AMBRA1: variants seen among roughly 807,000 people sequenced by gnomAD.
The protein encoded by AMBRA1 is autophagy and beclin 1 regulator 1.
In AMBRA1, 47 loss-of-function variants were observed where a neutral mutation model predicts 125.4. The ratio of observed to expected loss-of-function variants is 0.37; its 90% CI spans 0.30 to 0.48. The LOEUF (loss-of-function observed/expected upper bound fraction) is 0.48. AMBRA1 is among the 20% of genes least tolerant of loss of function. The probability of loss-of-function intolerance (pLI) is 0.99; values close to 1 mark genes in which losing one functional copy is unlikely to be tolerated. For synonymous variants in AMBRA1, 626 were observed against 655.5 expected, an observed-to-expected ratio of 0.95 and a Z score of 0.69; for missense variants, 1,331 against 1,693.4, an observed-to-expected ratio of 0.79 and a Z score of 3.76.
chr11:46,570,261 C>CAAAAAA (rs200875374), intron 1 of AMBRA1, among the ~76,000 whole-genome samples: 11 of 14,294 alleles, frequency 7.7e-4, no homozygotes, highest in African/African-American at 3.2e-3. Context: ...GACCATGTCT[C>CAAAAAA]AAAAAAAAAA....
intron 1 of AMBRA1, among the ~76,000 whole-genome samples, chr11:46,582,133 C>T (rs142929944): frequency 0.015 from 2,193 of 150,834 alleles, 47 homozygotes; most frequent in Non-Finnish European, 0.016. Context: ...AAAAAAAATT[C>T]GAAAGCCTTG....
At chr11:46,576,444 T>C (rs1243627188) in intron 1 of AMBRA1, among the ~76,000 whole-genome samples, 2 of 152,180 alleles carry the variant, frequency 1.3e-5, no homozygotes, top group East Asian at 3.9e-4. Context: ...ATTGCTTTGA[T>C]TAACCATCAA....
At chr11:46,549,334 A>G (rs2042919287) in intron 1 of AMBRA1, among the ~76,000 whole-genome samples, 1 of 152,218 alleles carries the variant, frequency 6.6e-6, no homozygotes, top group Non-Finnish European at 1.5e-5. Context: ...CTCCACTATG[A>G]ATGTTTTAAA....
intron 14 of AMBRA1, among the ~76,000 whole-genome samples, chr11:46,430,440 T>C (rs1947401801): frequency 6.6e-6 from 1 of 152,250 alleles, no homozygotes. Context: ...ACTCCCATTC[T>C]TATTCTGATT....
intron 11 of AMBRA1, among the ~76,000 whole-genome samples, chr11:46,445,081 A>AC: frequency 6.6e-6 from 1 of 152,002 alleles, no homozygotes; most frequent in East Asian, 1.9e-4. Flanking sequence ...CAAAAAAAAA[A>AC]AAACAAAAAA....
intron 7 of AMBRA1, among the ~76,000 whole-genome samples, chr11:46,522,171 T>C (rs930350074): frequency 4.6e-5 from 7 of 152,220 alleles, no homozygotes; most frequent in African/African-American, 1.7e-4. Context: ...CAGTTCCCCC[T>C]GGGAACATAT....
intron 1 of AMBRA1, among the ~76,000 whole-genome samples, chr11:46,557,545 C>T (rs2043195710): frequency 6.6e-6 from 1 of 151,362 alleles, no homozygotes; most frequent in African/African-American, 2.4e-5. Context: ...CAGTGGCTCA[C>T]ACCTGTAATC....
chr11:46,506,067 T>G (rs565337937), intron 9 of AMBRA1, among the ~76,000 whole-genome samples: 121 of 152,294 alleles, frequency 7.9e-4, no homozygotes, highest in Middle Eastern at 6.8e-3. Context: ...CTTCCCTGAA[T>G]AGACCCTGGT....
At chr11:46,492,780 T>C (rs1950508806) in intron 11 of AMBRA1, among the ~76,000 whole-genome samples, 1 of 152,232 alleles carries the variant, frequency 6.6e-6, no homozygotes, top group Admixed American at 6.5e-5. Flanking sequence ...CCAGGCACAG[T>C]GGCTCACGCC....
chr11:46,570,670 T>A (rs1040437318), intron 1 of AMBRA1, among the ~76,000 whole-genome samples: 2 of 152,128 alleles, frequency 1.3e-5, no homozygotes, highest in Admixed American at 6.6e-5. Context: ...TATTTTTTTT[T>A]AAGCCAGTAA....
chr11:46,435,095 A>C, intron 12 of AMBRA1, 58 bp from the exon 13 acceptor site: 1 of 1,464,810 alleles, frequency 6.8e-7, no homozygotes, highest in East Asian at 2.4e-5. Flanking sequence ...TACTGTAAAA[A>C]TTCTGGGGCC....
intron 7 of AMBRA1, among the ~76,000 whole-genome samples, chr11:46,541,112 T>C (rs1343939807): frequency 6.6e-6 from 1 of 152,238 alleles, no homozygotes; most frequent in Non-Finnish European, 1.5e-5. Context: ...GTGATTATGC[T>C]AGCTTTGACC....
At chr11:46,437,777 A>G (rs1947798417) in intron 12 of AMBRA1, among the ~76,000 whole-genome samples, 1 of 152,222 alleles carries the variant, frequency 6.6e-6, no homozygotes, top group Non-Finnish European at 1.5e-5. Flanking sequence ...ACAAAGAACA[A>G]CTAACTCATC....
Position 46,439,107 on chromosome 11 carries a change from T to TA in AMBRA1, c.2633-4071dup, listed in dbSNP as rs780131961. Among the ~76,000 whole-genome samples the TA allele has an allele frequency of 1.6e-4, 24 of 150,918 alleles. No individual in the cohort carries two copies. In the East Asian group the frequency reaches 3.0e-3, roughly 19 times the overall value. On this transcript the variant is annotated intron_variant, in intron 12 of 17. Transcript: ENST00000683756. ...GCAACACAGCGAGATCTCATCTCTA[T>TA]AAAAAAAAATTTAAAAATCAGCCAG...
intron 1 of AMBRA1, among the ~76,000 whole-genome samples, chr11:46,579,563 T>G (rs1272058536): frequency 6.6e-6 from 1 of 152,200 alleles, no homozygotes; most frequent in Admixed American, 6.5e-5. Context: ...TGCAAATATC[T>G]TCATACCCTC....
chr11:46,536,691 C>G (rs1952494427), intron 7 of AMBRA1, among the ~76,000 whole-genome samples: 1 of 152,306 alleles, frequency 6.6e-6, no homozygotes, highest in Middle Eastern at 3.4e-3. Context: ...TGGAGAATCC[C>G]CAAGTGACTG....
At chr11:46,499,197 C>T (rs1950743612) in intron 9 of AMBRA1, among the ~76,000 whole-genome samples, 1 of 152,188 alleles carries the variant, frequency 6.6e-6, no homozygotes. Flanking sequence ...TTAATTTCAT[C>T]TGCCTACATT....
At chr11:46,574,115 G>A (rs1310234352) in intron 1 of AMBRA1, among the ~76,000 whole-genome samples, 74 of 140,174 alleles carry the variant, frequency 5.3e-4, no homozygotes, top group African/African-American at 1.9e-3. Context: ...GAATAGTGCC[G>A]CAATAAACAT....
intron 15 of AMBRA1, among the ~76,000 whole-genome samples, chr11:46,414,806 T>A (rs1279248636): frequency 3.9e-5 from 6 of 152,060 alleles, no homozygotes; most frequent in Admixed American, 3.9e-4. Context: ...GACTGGCCAG[T>A]TGTTTGTCTT....
Sources: allele counts gnomAD v4.1 joint callset (sites outside exome capture counted in the v4.1 genomes callset), GRCh38; gene constraint gnomAD v4.1.1; transcripts MANE v1.5; gene names NCBI Gene and HGNC (gene_info 2026-07-23, HGNC 2026-07-21).